ZFP64: variants seen among roughly 807,000 people sequenced by gnomAD.
ZFP64 encodes the protein zinc finger protein 64.
In ZFP64, 14 loss-of-function variants were observed where a neutral mutation model predicts 51.6. The ratio of observed to expected loss-of-function variants is 0.27; its 90% CI spans 0.18 to 0.42. The LOEUF is 0.42. ZFP64 is among the 10% of genes least tolerant of loss of function. The pLI is 1.00. For missense variants in ZFP64, 754 were observed against 906.8 expected (o/e 0.83, Z 2.16); for synonymous variants, 375 against 361.4 (o/e 1.04, Z -0.43).
chr20:52,161,174 T>C lies in ZFP64; in HGVS notation c.512-800A>G, dbSNP rs140282919. ...GACAGTTACACGGGACAGATACAAA[T>C]CCCTATCTTGTTTGAGCTGGTGTTT... On this transcript the variant is annotated intron_variant, in intron 4 of 5. Transcript: ENST00000216923. Among the ~76,000 whole-genome samples the C allele has an allele frequency of 5.6e-3, 852 of 152,262 alleles. 6 individuals carry two copies. Among genetic ancestry groups the C allele is most frequent in the African/African-American group, 0.019 (771 of 41,542 alleles).
chr20:52,094,467 C>G (rs967081184), intron 7 of ZFP64, among the ~76,000 whole-genome samples: 1 of 152,028 alleles, frequency 6.6e-6, no homozygotes, highest in African/African-American at 2.4e-5. Context: ...CTTAAACTAG[C>G]AATATAGGGC....
chr20:52,142,377 G>GACACACACACACATACGCGCGC (rs1980300423), intron 5 of ZFP64, among the ~76,000 whole-genome samples: 2 of 118,370 alleles, frequency 1.7e-5, no homozygotes, highest in Non-Finnish European at 3.7e-5. Flanking sequence ...CACACACACA[G>GACACACACACACATACGCGCGC]ACACACACAC....
Position 52,152,218 on chromosome 20 carries a change from C to T in ZFP64, c.1974G>A (p.Lys658=). The part of the protein sequence containing the change: ...FSSSSQQELP[K]QTYSIIQGAA... ...CCCCTTGAATGATGGAGTAGGTCTGCTTGGGTAGTTCTTGCTGGGAAGAGG... is the reference window on the plus strand; with the variant it reads ...CCCCTTGAATGATGGAGTAGGTCTGTTTGGGTAGTTCTTGCTGGGAAGAGG... Residue 658 remains lysine (K), a synonymous_variant, in exon 6 of 6, where the codon AAG becomes AAA. Coordinates refer to ENST00000216923, the MANE Select transcript of ZFP64 (RefSeq NM_018197.3). 2 of 1,614,156 alleles carry T rather than the reference C, an allele frequency of 1.2e-6. No homozygotes were observed. Among genetic ancestry groups the T allele is most frequent in the Non-Finnish European group, 1.7e-6 (2 of 1,180,046 alleles).
At chr20:52,100,799 GC>G (rs1237503347) in intron 5 of ZFP64, among the ~76,000 whole-genome samples, 1 of 152,106 alleles carries the variant, frequency 6.6e-6, no homozygotes, top group Non-Finnish European at 1.5e-5. Flanking sequence ...TTACTCGTTT[GC>G]AAAAGGAGAT....
intron 2 of ZFP64, among the ~76,000 whole-genome samples, chr20:52,175,505 T>C (rs973572508): frequency 1.3e-5 from 2 of 152,230 alleles, no homozygotes; most frequent in Non-Finnish European, 2.9e-5. Flanking sequence ...GATTCTCATT[T>C]AGGGTTCTTG....
rs1002240334 is a variant in ZFP64, at chr20:52,191,157, T to A, written c.46+434A>T. Among the ~76,000 whole-genome samples the A allele has an allele frequency of 9.8e-5, 15 of 152,326 alleles. No individual in the cohort carries two copies. Among genetic ancestry groups the A allele is most frequent in the African/African-American group, 3.6e-4 (15 of 41,588 alleles). On this transcript the variant is annotated intron_variant, in intron 1 of 5. Transcript: ENST00000216923. This position sits in a 1 kb window ranked among gnomAD's most constrained non-coding sequence, Gnocchi z 4.3. ...TGAGCCGGCAGGACCTCGTGAGACC[T>A]GGTGATTCCCCCAATCTCCAGGCTC...
chr20:52,170,288 CT>C (rs1217385033), intron 2 of ZFP64, among the ~76,000 whole-genome samples: 5 of 151,602 alleles, frequency 3.3e-5, no homozygotes, highest in African/African-American at 4.8e-5. Flanking sequence ...CCTGTCTCTA[CT>C]AAAAACACAA....
intron 5 of ZFP64, chr20:52,110,442 C>A: frequency 8.0e-6 from 5 of 621,342 alleles, no homozygotes; most frequent in Admixed American, 5.0e-5. Context: ...AACTTGTTCT[C>A]AATCAGCCTG....
intron 5 of ZFP64, among the ~76,000 whole-genome samples, chr20:52,107,044 G>T (rs148043066): frequency 1.3e-5 from 2 of 152,164 alleles, no homozygotes; most frequent in Admixed American, 1.3e-4. Context: ...CCGAGATCGC[G>T]CCACTGCACT....
chr20:52,141,460 A>C (rs1030098174), intron 5 of ZFP64, among the ~76,000 whole-genome samples: 14 of 152,174 alleles, frequency 9.2e-5, no homozygotes, highest in African/African-American at 3.1e-4. Flanking sequence ...TATCAACCTT[A>C]GCAGGAGTTT....
At chr20:52,106,399 C>T (rs189132526) in intron 5 of ZFP64, among the ~76,000 whole-genome samples, 1 of 152,106 alleles carries the variant, frequency 6.6e-6, no homozygotes, top group African/African-American at 2.4e-5. Context: ...ACGTGGGGGC[C>T]CTTGTTTCAA....
intron 3 of ZFP64, 152 bp from the exon 4 acceptor site, chr20:52,164,909 G>C (rs1421014924): frequency 4.2e-6 from 3 of 716,314 alleles, no homozygotes; most frequent in Non-Finnish European, 7.5e-6. Context: ...TGTGATGACC[G>C]GGAAAAACAC....
At chr20:52,164,341 T>C (rs1447620826) in intron 4 of ZFP64, among the ~76,000 whole-genome samples, 1 of 152,194 alleles carries the variant, frequency 6.6e-6, no homozygotes, top group Non-Finnish European at 1.5e-5. Flanking sequence ...CTCTCTTTAC[T>C]AATCATTACA....
chr20:52,177,898 A>G (rs1983348407), intron 2 of ZFP64, among the ~76,000 whole-genome samples: 1 of 151,874 alleles, frequency 6.6e-6, no homozygotes, highest in African/African-American at 2.4e-5. Context: ...TGGGTGTGGC[A>G]GTGGGTGCCT....
chr20:52,142,970 C>T lies in ZFP64; in HGVS notation c.763+17153G>A, dbSNP rs574046074. 4.9e-5 allele frequency among the ~76,000 whole-genome samples: 7 copies of T among 142,748 alleles called. 2 individuals are homozygous for T. The highest frequency in any genetic ancestry group is 9.3e-5 in the Non-Finnish European group (6 of 64,210). The allele number at this position is 142,748 out of a possible 152,430, so 93.6% of individuals were successfully genotyped here. ...AACCACAACCCTGATAAGTCAGCAGCCATCAGCATTGAGGAAGACCCTTTA... is the reference window on the plus strand; with the variant it reads ...AACCACAACCCTGATAAGTCAGCAGTCATCAGCATTGAGGAAGACCCTTTA... On this transcript the variant is annotated intron_variant, in intron 5 of 8. Coordinates refer to the ZFP64 transcript ENST00000361387.
At chr20:52,122,726 C>A (rs1979255147) in intron 5 of ZFP64, among the ~76,000 whole-genome samples, 1 of 151,956 alleles carries the variant, frequency 6.6e-6, no homozygotes, top group Non-Finnish European at 1.5e-5. Flanking sequence ...TTGAGGGGTT[C>A]AAGATTTAAA....
chr20:52,185,856 C>G (rs1983926838), intron 2 of ZFP64, among the ~76,000 whole-genome samples: 1 of 152,230 alleles, frequency 6.6e-6, no homozygotes, highest in Non-Finnish European at 1.5e-5. Flanking sequence ...GCTGGGATTA[C>G]AGGCATGAGC....
chr20:52,162,940 C>T (rs189324207), intron 4 of ZFP64, among the ~76,000 whole-genome samples: 316 of 151,906 alleles, frequency 2.1e-3, no homozygotes, highest in South Asian at 0.015. Flanking sequence ...AGACAGAGAC[C>T]GCAGAAACTA....
intron 4 of ZFP64, among the ~76,000 whole-genome samples, chr20:52,161,670 A>G (rs1329458956): frequency 1.3e-5 from 2 of 152,156 alleles, no homozygotes; most frequent in Non-Finnish European, 2.9e-5. Context: ...CTGATGTGAA[A>G]TGATGTGCAA....
Sources: gnomAD v4.1 joint callset for allele counts (sites outside exome capture counted in the v4.1 genomes callset) on GRCh38, gnomAD v4.1.1 for gene constraint, Gnocchi (gnomAD v3.1) non-coding constraint, MANE v1.5 for transcripts, NCBI Gene and HGNC (gene_info 2026-07-23, HGNC 2026-07-21) for gene names.